The following UBR2 variants were observed in gnomAD, a reference collection of about 807,000 sequenced individuals.
UBR2 encodes the protein E3 ubiquitin-protein ligase UBR2.
UBR2 carries 92 observed loss-of-function variants against 247.9 expected under a neutral mutation model. The ratio of observed to expected loss-of-function variants is 0.37; its 90% CI spans 0.31 to 0.44. The LOEUF is 0.44. UBR2 is among the 20% of genes least tolerant of loss of function. UBR2 has a pLI of 1.00. For synonymous variants in UBR2, 672 were observed against 693.5 expected (o/e 0.97, Z 0.49); for missense variants, 1,613 against 2,112.6 (o/e 0.76, Z 4.64).
intron 34 of UBR2, among the ~76,000 whole-genome samples, chr6:42,667,060 G>GA (rs1305368321): frequency 9.2e-5 from 14 of 152,194 alleles, no homozygotes; most frequent in Admixed American, 9.2e-4. Context: ...GACTTGAATA[G>GA]AAAAAAACAT....
At chr6:42,606,222 G>A (rs905700975) in intron 6 of UBR2, among the ~76,000 whole-genome samples, 2 of 149,992 alleles carry the variant, frequency 1.3e-5, no homozygotes, top group African/African-American at 2.5e-5. Flanking sequence ...GAGCCTGGGC[G>A]ACAAAGCGAG....
At chr6:42,662,654 C>G (rs1049645645) in intron 31 of UBR2, among the ~76,000 whole-genome samples, 3 of 152,076 alleles carry the variant, frequency 2.0e-5, no homozygotes, top group Admixed American at 1.3e-4. Flanking sequence ...TTGTTACTTC[C>G]CAAAATTGTA....
At chr6:42,617,314 C>A (rs745814706) in intron 10 of UBR2, 95 bp from the exon 11 acceptor site, 1 of 1,614,106 alleles carries the variant, frequency 6.2e-7, no homozygotes, top group South Asian at 1.1e-5. Context: ...CTCTATCTGT[C>A]CAGTTCTTCA....
intron 11 of UBR2, among the ~76,000 whole-genome samples, chr6:42,628,708 G>GAAA: frequency 7.6e-6 from 1 of 131,816 alleles, no homozygotes. Flanking sequence ...GAGCGACAGA[G>GAAA]TGAGGCTCTG....
At chr6:42,567,711 A>G (rs917998623) in intron 1 of UBR2, among the ~76,000 whole-genome samples, 6 of 152,108 alleles carry the variant, frequency 3.9e-5, no homozygotes, top group Non-Finnish European at 8.8e-5. Context: ...CCTGGGTGAC[A>G]GAGCGGGACC....
intron 1 of UBR2, among the ~76,000 whole-genome samples, chr6:42,565,998 A>G (rs1790756897): frequency 6.6e-6 from 1 of 152,182 alleles, no homozygotes; most frequent in Non-Finnish European, 1.5e-5. Context: ...AAGTAGTGTT[A>G]CAAGTAAACT....
At chr6:42,608,857 G>T (rs979654920) in intron 7 of UBR2, among the ~76,000 whole-genome samples, 2 of 151,956 alleles carry the variant, frequency 1.3e-5, no homozygotes, top group Non-Finnish European at 2.9e-5. Context: ...CTTTCATTGA[G>T]CAAAAACTTT....
intron 21 of UBR2, among the ~76,000 whole-genome samples, chr6:42,646,363 A>G (rs1328026212): frequency 4.6e-5 from 7 of 152,220 alleles, no homozygotes; most frequent in African/African-American, 4.8e-5. Flanking sequence ...TATTTCAAAC[A>G]TCTATAGAGA....
At chr6:42,687,528 TTTTATTTATTTA>T (rs36075254) in intron 44 of UBR2, among the ~76,000 whole-genome samples, 2 of 149,246 alleles carry the variant, frequency 1.3e-5, no homozygotes, top group African/African-American at 2.5e-5. Context: ...TTGTATTTTA[TTTTATTTATTTA>T]TTTATTTATT....
chr6:42,579,710 T>C (rs1791754994), intron 2 of UBR2, among the ~76,000 whole-genome samples: 1 of 152,168 alleles, frequency 6.6e-6, no homozygotes. Flanking sequence ...AGTTTCCCTA[T>C]ATTGCCCAGG....
intron 11 of UBR2, among the ~76,000 whole-genome samples, chr6:42,628,531 G>A (rs1417221660): frequency 2.0e-5 from 3 of 152,030 alleles, no homozygotes; most frequent in Non-Finnish European, 4.4e-5. Context: ...AGACCAGCCT[G>A]GCCAACATGG....
chr6:42,683,027 TG>T (rs377710678), intron 42 of UBR2, 27 bp from the exon 43 acceptor site: 11 of 1,216,794 alleles, frequency 9.0e-6, no homozygotes. Context: ...AAGTGTTTTG[TG>T]TTTTTCCCCC....
intron 1 of UBR2, 28 bp downstream of exon 1, chr6:42,564,425 T>A: frequency 6.3e-7 from 1 of 1,599,558 alleles, no homozygotes; most frequent in Non-Finnish European, 8.5e-7. Context: ...GGCGGGTGCG[T>A]CTGCCCCTCG....
At position 42,621,331 on chromosome 6, in the gene UBR2, A is replaced by G. The variant is rs576550504; in HGVS notation, c.1281+3824A>G. 1.1e-4 allele frequency among the ~76,000 whole-genome samples: 17 copies of G among 152,270 alleles called. 1 individual carries two copies. The highest frequency in any genetic ancestry group is 1.0e-3 in the Admixed American group (16 of 15,284). On this transcript the variant is annotated intron_variant, in intron 11 of 46. Transcript: ENST00000372901. ...CTTTGTCATAAATCAAGACCTTTAT[A>G]TGTGTGTGTCTGTCTTGTCTATCTT...
At chr6:42,640,033 T>A (rs2747119) in intron 15 of UBR2, among the ~76,000 whole-genome samples, 176 bp from the exon 16 acceptor site, 140,620 of 152,228 alleles carry the variant, frequency 0.92, 65,047 homozygotes, top group East Asian at 1. Context: ...TCTCAAAAAA[T>A]TAATAATAAT....
intron 1 of UBR2, among the ~76,000 whole-genome samples, chr6:42,570,922 A>G (rs1582413894): frequency 6.6e-6 from 1 of 150,950 alleles, no homozygotes; most frequent in Non-Finnish European, 1.5e-5. Context: ...CTGAACTCAA[A>G]TGAGCCACCC....
intron 3 of UBR2, 94 bp from the exon 4 acceptor site, chr6:42,594,097 A>C (rs1240688087): frequency 5.7e-6 from 5 of 884,352 alleles, no homozygotes; most frequent in Non-Finnish European, 8.6e-6. Context: ...ACACTTAAGC[A>C]ATGGTATTTC....
Position 42,670,173 on chromosome 6 carries a change from C to T in UBR2, c.3963C>T (p.Pro1321=), listed in dbSNP as rs746601040. The T allele has an allele frequency of 6.2e-7, 1 of 1,614,130 alleles. No homozygotes were observed. Among genetic ancestry groups the T allele is most frequent in the Non-Finnish European group, 8.5e-7 (1 of 1,180,020 alleles). Residue 1321 remains proline (P), a synonymous_variant, in exon 35 of 47, where the codon CCC becomes CCT. Coordinates refer to ENST00000372901, the MANE Select transcript of UBR2 (RefSeq NM_001363705.2). ...ATYKVGLKVH[P]NEEDPRVPIM... is the part of the protein sequence containing the mutation. Reference sequence around the variant, plus strand: ...ACAAGGTGGGACTAAAGGTTCATCCCAATGAAGAGGATCCTCGTGTTCCCA... The same window carrying T: ...ACAAGGTGGGACTAAAGGTTCATCCTAATGAAGAGGATCCTCGTGTTCCCA...
intron 44 of UBR2, 42 bp from the exon 45 acceptor site, chr6:42,688,174 A>T: frequency 6.2e-7 from 1 of 1,613,478 alleles, no homozygotes; most frequent in African/African-American, 1.3e-5. Context: ...CTCTTTAGCC[A>T]CTCTTTAGAT....
Sources: gnomAD v4.1 joint callset for allele counts (sites outside exome capture counted in the v4.1 genomes callset) on GRCh38, gnomAD v4.1.1 for gene constraint, MANE v1.5 for transcripts, NCBI Gene and HGNC (gene_info 2026-07-23, HGNC 2026-07-21) for gene names.